The following UTRN variants were observed in gnomAD, a reference collection of about 807,000 sequenced individuals.
UTRN encodes the protein dystrophin-related protein 1.
Under a neutral mutation model 463.9 loss-of-function variants are expected in UTRN, and 283 were observed. That is an observed-to-expected ratio of 0.61 (90% CI 0.55 to 0.67). The LOEUF (loss-of-function observed/expected upper bound fraction) is 0.67, where lower values mean the gene tolerates loss of function less well. UTRN is among the 30% of genes least tolerant of loss of function. The pLI, the probability that UTRN is intolerant of heterozygous loss-of-function variation, is 0.00. For synonymous variants in UTRN, 1,442 were observed against 1,431.5 expected, an observed-to-expected ratio of 1.01 and a Z score of -0.17; for missense variants, 3,922 against 4,084.3, an observed-to-expected ratio of 0.96 and a Z score of 1.08.
chr6:144,841,010 A>C (rs776361842), intron 73 of UTRN, among the ~76,000 whole-genome samples, 178 bp downstream of exon 73: 1 of 152,242 alleles, frequency 6.6e-6, no homozygotes, highest in Admixed American at 6.5e-5. Flanking sequence ...CCTAGATACT[A>C]TCAAGTAACG....
chr6:144,479,691 AT>A, intron 25 of UTRN, 120 bp from the exon 26 acceptor site: 1 of 1,186,850 alleles, frequency 8.4e-7, no homozygotes, highest in Non-Finnish European at 1.2e-6. Flanking sequence ...TTTTATCTGA[AT>A]TTTAAAGCAT....
In UTRN at chr6:144,516,827, C is replaced by A; in HGVS notation, c.5420C>A (p.Ala1807Asp). Residue 1807 changes from alanine (A) to aspartate (D), a missense_variant, in exon 39 of 75, where the codon GCC becomes GAC. Physicochemically the swap from Ala to Asp is moderately radical, Grantham distance 126. Coordinates refer to ENST00000367545, the MANE Select transcript of UTRN (RefSeq NM_007124.3). ...DEDEKMDEESAQIEEVLQRGE... is the reference protein window; with the variant it reads ...DEDEKMDEESDQIEEVLQRGE... ...AAAATTTAGATGGATGAGGAGAGTGCCCAGATTGAGGAAGTTCTACAAAGA... is the reference window on the plus strand; with the variant it reads ...AAAATTTAGATGGATGAGGAGAGTGACCAGATTGAGGAAGTTCTACAAAGA... 1.3e-6 allele frequency: 2 copies of A among 1,483,072 alleles called. No homozygotes were observed. The highest frequency in any genetic ancestry group is 1.5e-5 in the South Asian group (1 of 68,076). 91.9% of individuals were successfully genotyped at this position (1,483,072 alleles called of 1,614,324 possible).
chr6:144,410,104 A>G lies in UTRN; in HGVS notation c.141+6920A>G, dbSNP rs1347355705. ...GACTGGATTTATCTATTTCCTGACC[A>G]AAAAAATTGGGTCTATTTTGTTTTA... On this transcript the variant is annotated intron_variant, in intron 3 of 74. Transcript: ENST00000367545. 3.9e-5 allele frequency among the ~76,000 whole-genome samples: 6 copies of G among 152,262 alleles called. No homozygotes were observed. The East Asian group carries it at 1.2e-3, about 29-fold the overall frequency.
intron 50 of UTRN, among the ~76,000 whole-genome samples, chr6:144,566,379 A>G (rs971874927): frequency 2.0e-5 from 3 of 152,158 alleles, no homozygotes; most frequent in African/African-American, 7.2e-5. Context: ...TATTAAATGT[A>G]AGGAAAGGTA....
At chr6:144,298,306 C>T (rs897249824) in intron 2 of UTRN, among the ~76,000 whole-genome samples, 33 of 152,320 alleles carry the variant, frequency 2.2e-4, no homozygotes, top group African/African-American at 5.5e-4. Context: ...AACCAGGTCC[C>T]AGTCCTTTCG....
At chr6:144,610,832 A>G (rs1282726621) in intron 51 of UTRN, among the ~76,000 whole-genome samples, 5 of 152,188 alleles carry the variant, frequency 3.3e-5, no homozygotes, top group Admixed American at 2.0e-4. Context: ...CCGAGATTGC[A>G]CCATTGCACT....
chr6:144,583,912 C>T (rs565430206), intron 51 of UTRN, among the ~76,000 whole-genome samples: 2 of 152,076 alleles, frequency 1.3e-5, no homozygotes, highest in Non-Finnish European at 2.9e-5. Flanking sequence ...TGGTACTTTG[C>T]AGTATCTTAA....
chr6:144,811,729 G>A lies in UTRN; in HGVS notation c.9357+8582G>A, dbSNP rs112714842. Among the ~76,000 whole-genome samples the A allele has an allele frequency of 4.9e-5, 6 of 122,076 alleles. 1 individual carries two copies. Among genetic ancestry groups the A allele is most frequent in the African/African-American group, 1.1e-4 (3 of 26,150 alleles). 80.1% of individuals were successfully genotyped at this position (122,076 alleles called of 152,430 possible). A position where few individuals can be genotyped will look rare whatever the true frequency, so the allele number is the denominator to read the frequency against. On this transcript the variant is annotated intron_variant, in intron 65 of 74. Coordinates refer to ENST00000367545, the MANE Select transcript of UTRN (RefSeq NM_007124.3). ...AAACTTAAATAAAAACTGAGAGGTT[G>A]TTTTATAGTTAAAAAAAAAAAACCT...
At chr6:144,366,341 A>G (rs1396988122) in intron 2 of UTRN, among the ~76,000 whole-genome samples, 1 of 152,108 alleles carries the variant, frequency 6.6e-6, no homozygotes, top group African/African-American at 2.4e-5. Flanking sequence ...TGATTATTTC[A>G]TCACCCAGGT....
chr6:144,828,434 G>A (rs1780379870), intron 68 of UTRN, among the ~76,000 whole-genome samples: 1 of 152,160 alleles, frequency 6.6e-6, no homozygotes, highest in Non-Finnish European at 1.5e-5. Flanking sequence ...GGAAGTCATG[G>A]AGAGTTTTTG....
At chr6:144,682,136 C>G (rs1052888175) in intron 52 of UTRN, among the ~76,000 whole-genome samples, 1 of 152,010 alleles carries the variant, frequency 6.6e-6, no homozygotes, top group Non-Finnish European at 1.5e-5. Context: ...CTCCCCATCA[C>G]CCCCCTGCCC....
chr6:144,789,900 TG>T (rs936802608), intron 62 of UTRN, among the ~76,000 whole-genome samples: 19 of 152,354 alleles, frequency 1.2e-4, no homozygotes, highest in African/African-American at 4.6e-4. Flanking sequence ...AAAGGTATAT[TG>T]GCTTTGGAAA....
chr6:144,783,952 A>G lies in UTRN; in HGVS notation c.8834+1829A>G, dbSNP rs1776082089. 5.9e-5 allele frequency among the ~76,000 whole-genome samples: 9 copies of G among 152,284 alleles called. No individual in the cohort carries two copies. In the South Asian group the frequency reaches 1.2e-3, roughly 21 times the overall value. On this transcript the variant is annotated intron_variant, in intron 61 of 74. Transcript: ENST00000367545. ...TGCACATTTTAAGTTCTCCTAGGGT[A>G]AAATATTACCATTAGCCTTAATCCA...
At chr6:144,850,935 C>G in intron 74 of UTRN, 54 bp from the exon 75 acceptor site, 2 of 1,609,266 alleles carry the variant, frequency 1.2e-6, no homozygotes, top group Non-Finnish European at 8.5e-7. Flanking sequence ...CAGATCTCTG[C>G]TTCCTGTAAT....
At chr6:144,600,782 A>G (rs867758939) in intron 51 of UTRN, among the ~76,000 whole-genome samples, 39 of 152,350 alleles carry the variant, frequency 2.6e-4, no homozygotes, top group Middle Eastern at 3.4e-3. Context: ...ATGAAACAGC[A>G]GCTTTCAATT....
chr6:144,332,904 TTTTATTTA>T (rs200334669), intron 2 of UTRN, among the ~76,000 whole-genome samples: 2,378 of 145,182 alleles, frequency 0.016, 14 homozygotes, highest in South Asian at 0.027. Context: ...GATATTAACC[TTTTATTTA>T]TTTATTTATT....
chr6:144,376,567 A>T (rs1430670263), intron 2 of UTRN, among the ~76,000 whole-genome samples: 1 of 151,980 alleles, frequency 6.6e-6, no homozygotes, highest in Non-Finnish European at 1.5e-5. Context: ...AAGTGCTGGG[A>T]TTATAGGTGT....
intron 70 of UTRN, 67 bp downstream of exon 70, chr6:144,836,005 A>G: frequency 2.6e-6 from 4 of 1,566,304 alleles, no homozygotes; most frequent in Non-Finnish European, 3.5e-6. Flanking sequence ...TGTAGCCCCC[A>G]TTTATTCTCT....
chr6:144,404,116 C>T (rs60896767), intron 3 of UTRN, among the ~76,000 whole-genome samples: 4,447 of 152,216 alleles, frequency 0.029, 204 homozygotes, highest in African/African-American at 0.095. Flanking sequence ...AAAAATGCTC[C>T]ACGTCCCAAT....
Sources: gnomAD v4.1 joint callset for allele counts (sites outside exome capture counted in the v4.1 genomes callset) on GRCh38, gnomAD v4.1.1 for gene constraint, MANE v1.5 for transcripts, NCBI Gene and HGNC (gene_info 2026-07-23, HGNC 2026-07-21) for gene names.